The following TMEM121B variants were observed in gnomAD, a reference collection of about 807,000 sequenced individuals.
TMEM121B encodes cat eye syndrome chromosome region, candidate 6.
In TMEM121B, 14 loss-of-function variants were observed where a neutral mutation model predicts 25.1. That is an observed-to-expected ratio of 0.56 (90% CI 0.37 to 0.87). The LOEUF is 0.87. Among genes scored for constraint, TMEM121B ranks in the 40% least tolerant of loss-of-function variants. The pLI is 0.00. For synonymous variants in TMEM121B, 458 were observed against 420.9 expected, an observed-to-expected ratio of 1.09 and a Z score of -1.08; for missense variants, 850 against 854.6, an observed-to-expected ratio of 0.99 and a Z score of 0.07.
rs12170331 is a variant in TMEM121B at position 17,117,519 on chromosome 22, G to C, written c.*1872C>G. 1 of 152,230 alleles carries C rather than the reference G, an allele frequency of 6.6e-6. No homozygotes were observed. Among genetic ancestry groups the C allele is most frequent in the African/African-American group, 2.4e-5 (1 of 41,386 alleles). The allele number at this position is 152,230 out of a possible 1,614,324, so 9.4% of individuals were successfully genotyped here. A position where few individuals can be genotyped will look rare whatever the true frequency, so the allele number is the denominator to read the frequency against. On this transcript the variant is annotated 3_prime_UTR_variant, in exon 1 of 1. Transcript: ENST00000331437. ...GAGGCGGGGGCTTGGCCTGGGTGCT[G>C]AGTTAACGGCCAGTGACTTGGCACT...
chr22:17,119,220 G>T lies in TMEM121B; in HGVS notation c.*171C>A. The T allele has an allele frequency of 1.1e-6, 1 of 910,478 alleles. No homozygotes were observed. The highest frequency in any genetic ancestry group is 1.6e-6 in the Non-Finnish European group (1 of 616,908). The allele number at this position is 910,478 out of a possible 1,614,324, so 56.4% of individuals were successfully genotyped here. A position where few individuals can be genotyped will look rare whatever the true frequency, so the allele number is the denominator to read the frequency against. ...CTACCTCCCTCACCGTTAACTGCTG[G>T]TCTCCCTCCAAGCCGTCCTCACCCC... On this transcript the variant is annotated 3_prime_UTR_variant, in exon 1 of 1. Coordinates refer to ENST00000331437, the MANE Select transcript of TMEM121B (RefSeq NM_031890.4).
rs892156083 is a variant in TMEM121B at position 17,121,262 on chromosome 22, C to A, written c.-135G>T. 4 of 884,592 alleles carry A rather than the reference C, an allele frequency of 4.5e-6. No individual in the cohort carries two copies. Among genetic ancestry groups the A allele is most frequent in the Non-Finnish European group, 5.9e-6 (4 of 674,274 alleles). 54.8% of individuals were successfully genotyped at this position (884,592 alleles called of 1,614,324 possible). A position where few individuals can be genotyped will look rare whatever the true frequency, so the allele number is the denominator to read the frequency against. On this transcript the variant is annotated 5_prime_UTR_variant, in exon 1 of 1. Coordinates refer to ENST00000331437, the MANE Select transcript of TMEM121B (RefSeq NM_031890.4). ...AGTGGGGACTCGCACCTGGGCCGGG[C>A]GGCGGCGAGATCCGGACTGGAGCCA...
Position 17,121,004 on chromosome 22 carries a change from C to T in TMEM121B, c.124G>A (p.Gly42Ser). The T allele has an allele frequency of 1.4e-6, 2 of 1,468,794 alleles. No homozygotes were observed. Among genetic ancestry groups the T allele is most frequent in the Non-Finnish European group, 1.8e-6 (2 of 1,112,868 alleles). 91.0% of individuals were successfully genotyped at this position (1,468,794 alleles called of 1,614,324 possible). ...GTGCTGGTGCTGCTGTCGCCGGAGCCTCTCCGGCCGCGGAAGGAGCCCCCG... is the reference window on the plus strand; with the variant it reads ...GTGCTGGTGCTGCTGTCGCCGGAGCTTCTCCGGCCGCGGAAGGAGCCCCCG... Reference protein sequence around the residue: ...LRGGSFRGRRGSGDSSTSTST... With the variant: ...LRGGSFRGRRSSGDSSTSTST... The change falls in exon 1 of 1, where the codon GGC becomes AGC. Residue 42 changes from glycine (G) to serine (S), a missense_variant. Coordinates refer to ENST00000331437, the MANE Select transcript of TMEM121B (RefSeq NM_031890.4).
Position 17,120,446 on chromosome 22 carries a change from AC to A in TMEM121B, c.681del (p.Trp227CysfsTer105). 1 of 1,580,038 alleles carries A rather than the reference AC, an allele frequency of 6.3e-7. No homozygotes were observed. ...ACCAGGTCAGTGGCGATCCAGGAGC[AC>A]CAGTACAGGTCGGTGACGGCGATGA... is the stretch of plus-strand genomic sequence containing the variant. ...LYLIAVTDLYWCSWIATDLVV... is the reference protein window; with the variant it reads ...LYLIAVTDLYXCSWIATDLVV... On this transcript the variant is annotated frameshift_variant, in exon 1 of 1. Coordinates refer to ENST00000331437, the MANE Select transcript of TMEM121B (RefSeq NM_031890.4). LOFTEE classifies it high-confidence loss of function.
At position 17,119,304 on chromosome 22, in the gene TMEM121B, A is replaced by T. The variant is rs2061483530; in HGVS notation, c.*87T>A. Reference sequence around the variant, plus strand: ...GAAAAGGGTTACCTCTTCCAAATAGACCCTGATCAAATCTAGGTGACAGAA... The same window carrying T: ...GAAAAGGGTTACCTCTTCCAAATAGTCCCTGATCAAATCTAGGTGACAGAA... On this transcript the variant is annotated 3_prime_UTR_variant, in exon 1 of 1. Transcript: ENST00000331437. 3 of 1,516,264 alleles carry T rather than the reference A, an allele frequency of 2.0e-6. No individual in the cohort carries two copies. Among genetic ancestry groups the T allele is most frequent in the Admixed American group, 5.2e-5 (2 of 38,674 alleles). The allele number at this position is 1,516,264 out of a possible 1,614,324, so 93.9% of individuals were successfully genotyped here. A position where few individuals can be genotyped will look rare whatever the true frequency, so the allele number is the denominator to read the frequency against.
Position 17,119,753 on chromosome 22 carries a change from C to A in TMEM121B, c.1375G>T (p.Ala459Ser). 2 of 1,556,464 alleles carry A rather than the reference C, an allele frequency of 1.3e-6. No individual in the cohort carries two copies. Among genetic ancestry groups the A allele is most frequent in the Non-Finnish European group, 1.7e-6 (2 of 1,158,772 alleles). Residue 459 changes from alanine (A) to serine (S), a missense_variant, in exon 1 of 1, where the codon GCC becomes TCC. Transcript: ENST00000331437. Reference protein sequence around the residue: ...AAAAAASWGQASGPGSCSRLL... With the variant: ...AAAAAASWGQSSGPGSCSRLL... ...CGGCTGCAGCTGCCAGGCCCGGAGG[C>A]CTGGCCCCAGGATGCAGCCGCTGCG...
Position 17,121,016 on chromosome 22 carries a change from G to C in TMEM121B, c.112C>G (p.Arg38Gly). 6.8e-7 allele frequency: 1 copy of C among 1,469,662 alleles called. No homozygotes were observed. The highest frequency in any genetic ancestry group is 9.0e-7 in the Non-Finnish European group (1 of 1,113,112). 91.0% of individuals were successfully genotyped at this position (1,469,662 alleles called of 1,614,324 possible). Residue 38 changes from arginine (R) to glycine (G), a missense_variant, in exon 1 of 1, where the codon CGC becomes GGC. By Grantham distance (125) the Arg-to-Gly change is moderately radical. Coordinates refer to ENST00000331437, the MANE Select transcript of TMEM121B (RefSeq NM_031890.4). ...CTGTCGCCGGAGCCTCTCCGGCCGC[G>C]GAAGGAGCCCCCGCGGAGGAAGAGG... ...QPLFLRGGSF[R>G]GRRGSGDSST...
Position 17,121,029 on chromosome 22 carries a change from G to A in TMEM121B, c.99C>T (p.Arg33=). The stretch of plus-strand genomic sequence containing the variant: ...CTCTCCGGCCGCGGAAGGAGCCCCC[G>A]CGGAGGAAGAGGGGCTGCAGCCGGG... ...AAARLQPLFL[R]GGSFRGRRGS... The change falls in exon 1 of 1, where the codon CGC becomes CGT. Residue 33 remains arginine (R), a synonymous_variant. Transcript: ENST00000331437. 6.8e-7 allele frequency: 1 copy of A among 1,469,418 alleles called. No homozygotes were observed. Among genetic ancestry groups the A allele is most frequent in the Non-Finnish European group, 9.0e-7 (1 of 1,112,772 alleles). The allele number at this position is 1,469,418 out of a possible 1,614,324, so 91.0% of individuals were successfully genotyped here.
In TMEM121B at chr22:17,120,327, G is replaced by C; in HGVS notation, c.801C>G (p.His267Gln). The C allele has an allele frequency of 6.7e-7, 1 of 1,484,064 alleles. No individual in the cohort carries two copies. The highest frequency in any genetic ancestry group is 1.3e-5 in the South Asian group (1 of 78,150). The allele number at this position is 1,484,064 out of a possible 1,614,324, so 91.9% of individuals were successfully genotyped here. ...GATGCAGGGGCGGCGCGGCGTGGTGGTGGTGCAGGTGGTGGTTGTGCGCGC... is the reference window on the plus strand; with the variant it reads ...GATGCAGGGGCGGCGCGGCGTGGTGCTGGTGCAGGTGGTGGTTGTGCGCGC... ...ASGAHNHHLH[H>Q]HHAAPPLHLP... The change falls in exon 1 of 1, where the codon CAC (histidine) becomes CAG (glutamine). Residue 267 changes from histidine (H) to glutamine (Q), a missense_variant. By Grantham distance (24) the His-to-Gln change is conservative. Coordinates refer to ENST00000331437, the MANE Select transcript of TMEM121B (RefSeq NM_031890.4).
rs2061469711 is a variant in TMEM121B, at chr22:17,116,378, G to C, written c.*3013C>G. The C allele has an allele frequency of 6.6e-6, 1 of 152,570 alleles. No homozygotes were observed. The highest frequency in any genetic ancestry group is 1.5e-5 in the Non-Finnish European group (1 of 68,054). The allele number at this position is 152,570 out of a possible 1,614,324, so 9.5% of individuals were successfully genotyped here. A position where few individuals can be genotyped will look rare whatever the true frequency, so the allele number is the denominator to read the frequency against. On this transcript the variant is annotated 3_prime_UTR_variant, in exon 1 of 1. Transcript: ENST00000331437. ...AGAAGGAAAAAAGTGATAAATGCTA[G>C]TGAGGTGCCACTTCCCTCCTTCTTC...
Position 17,120,985 on chromosome 22 carries a change from G to A in TMEM121B, c.143C>T (p.Thr48Ile), listed in dbSNP as rs2061497138. ...TCCCCCGCGGCTGGTGCTGGTGCTGGTGCTGCTGTCGCCGGAGCCTCTCCG... is the reference window on the plus strand; with the variant it reads ...TCCCCCGCGGCTGGTGCTGGTGCTGATGCTGCTGTCGCCGGAGCCTCTCCG... ...RGRRGSGDSS[T>I]STSTSRGGGG... The change falls in exon 1 of 1, where the codon ACC becomes ATC. Residue 48 changes from threonine to isoleucine, a missense_variant. Physicochemically the swap from Thr to Ile is moderately conservative, Grantham distance 89 (BLOSUM62 -1). Coordinates refer to ENST00000331437, the MANE Select transcript of TMEM121B (RefSeq NM_031890.4). The A allele has an allele frequency of 8.9e-6, 13 of 1,464,502 alleles. No individual in the cohort carries two copies. Among genetic ancestry groups the A allele is most frequent in the Non-Finnish European group, 1.2e-5 (13 of 1,110,794 alleles). The allele number at this position is 1,464,502 out of a possible 1,614,324, so 90.7% of individuals were successfully genotyped here.
At position 17,118,073 on chromosome 22, in the gene TMEM121B, T is replaced by G. The variant is rs1448611465; in HGVS notation, c.*1318A>C. On this transcript the variant is annotated 3_prime_UTR_variant, in exon 1 of 1. Coordinates refer to ENST00000331437, the MANE Select transcript of TMEM121B (RefSeq NM_031890.4). ...GCTGTCCTCCTGCACCCTTAAAATA[T>G]GTAAAAATACTTATCCTGCCTCAAA... is the stretch of plus-strand genomic sequence containing the variant. The G allele has an allele frequency of 6.6e-6, 1 of 152,198 alleles. No individual in the cohort carries two copies. 9.4% of individuals were successfully genotyped at this position (152,198 alleles called of 1,614,324 possible). A position where few individuals can be genotyped will look rare whatever the true frequency, so the allele number is the denominator to read the frequency against.
Position 17,121,222 on chromosome 22 carries a change from C to A in TMEM121B, c.-95G>T, listed in dbSNP as rs900917144. 1 of 1,170,028 alleles carries A rather than the reference C, an allele frequency of 8.5e-7. No individual in the cohort carries two copies. Among genetic ancestry groups the A allele is most frequent in the Non-Finnish European group, 1.1e-6 (1 of 925,712 alleles). The allele number at this position is 1,170,028 out of a possible 1,614,324, so 72.5% of individuals were successfully genotyped here. A position where few individuals can be genotyped will look rare whatever the true frequency, so the allele number is the denominator to read the frequency against. On this transcript the variant is annotated 5_prime_UTR_variant, in exon 1 of 1. Coordinates refer to ENST00000331437, the MANE Select transcript of TMEM121B (RefSeq NM_031890.4). ...TAGGCGGCCGAGGGGAGCCGGGGCC[C>A]GCCGCCTCCCCAGCAGTGGGGACTC...
At position 17,118,834 on chromosome 22, in the gene TMEM121B, A is replaced by AG; in HGVS notation, c.*556dup. On this transcript the variant is annotated 3_prime_UTR_variant, in exon 1 of 1. Coordinates refer to ENST00000331437, the MANE Select transcript of TMEM121B (RefSeq NM_031890.4). ...AGGAGGGTGGTGATAAGTATGGTGT[A>AG]GGGGGCAGGGCCTCCCCAGATCTCC... The AG allele has an allele frequency of 6.5e-6, 1 of 153,220 alleles. No homozygotes were observed. Among genetic ancestry groups the AG allele is most frequent in the Non-Finnish European group, 1.5e-5 (1 of 68,322 alleles). The allele number at this position is 153,220 out of a possible 1,614,324, so 9.5% of individuals were successfully genotyped here.
In TMEM121B at chr22:17,120,961, C is replaced by A; in HGVS notation, c.167G>T (p.Gly56Val). 2 of 1,424,348 alleles carry A rather than the reference C, an allele frequency of 1.4e-6. No individual in the cohort carries two copies. Among genetic ancestry groups the A allele is most frequent in the Non-Finnish European group, 1.8e-6 (2 of 1,090,926 alleles). 88.2% of individuals were successfully genotyped at this position (1,424,348 alleles called of 1,614,324 possible). ...SSTSTSTSRG[G>V]GGGRRGGGGG... ...GCCCCCGCCGCGTCTGCCGCCGCCT[C>A]CCCCGCGGCTGGTGCTGGTGCTGGT... is the stretch of plus-strand genomic sequence containing the variant. The change falls in exon 1 of 1, where the codon GGA (glycine) becomes GTA (valine). Residue 56 changes from glycine (G) to valine (V), a missense_variant. Transcript: ENST00000331437.
At position 17,120,784 on chromosome 22, in the gene TMEM121B, G is replaced by A. The variant is rs1479971275; in HGVS notation, c.344C>T (p.Ser115Phe). Residue 115 changes from serine to phenylalanine, a missense_variant, in exon 1 of 1, where the codon TCC (serine) becomes TTC (phenylalanine). Coordinates refer to ENST00000331437, the MANE Select transcript of TMEM121B (RefSeq NM_031890.4). ...GGTGGAGGAGGAGGTGGCCGCTGAGGAGGAGAAGGCGACAGGCGCGGGGCC... is the reference window on the plus strand; with the variant it reads ...GGTGGAGGAGGAGGTGGCCGCTGAGAAGGAGAAGGCGACAGGCGCGGGGCC... ...PAGPAPVAFS[S>F]SAATSSSTST... 4 of 1,234,120 alleles carry A rather than the reference G, an allele frequency of 3.2e-6. No homozygotes were observed. The highest frequency in any genetic ancestry group is 1.0e-6 in the Non-Finnish European group (1 of 989,336). 76.4% of individuals were successfully genotyped at this position (1,234,120 alleles called of 1,614,324 possible). A position where few individuals can be genotyped will look rare whatever the true frequency, so the allele number is the denominator to read the frequency against.
In TMEM121B at chr22:17,116,785, A is replaced by C. The variant is rs1459136542; in HGVS notation, c.*2606T>G. On this transcript the variant is annotated 3_prime_UTR_variant, in exon 1 of 1. Transcript: ENST00000331437. ...GAAGTGAGTGCAAGGACTCAAGAAA[A>C]ACACAGCAGAGGAAGGGACTGACCC... The C allele has an allele frequency of 2.0e-5, 3 of 152,286 alleles. No individual in the cohort carries two copies. The highest frequency in any genetic ancestry group is 4.4e-5 in the Non-Finnish European group (3 of 68,138). 9.4% of individuals were successfully genotyped at this position (152,286 alleles called of 1,614,324 possible).
Position 17,119,035 on chromosome 22 carries a change from G to A in TMEM121B, c.*356C>T. ...CACTAACCACAGCCTAAAAGAGGCT[G>A]GCACTTCTAAGCAAGGGAGAAGGTC... On this transcript the variant is annotated 3_prime_UTR_variant, in exon 1 of 1. Transcript: ENST00000331437. The A allele has an allele frequency of 8.2e-6, 2 of 244,362 alleles. No individual in the cohort carries two copies. Among genetic ancestry groups the A allele is most frequent in the Non-Finnish European group, 1.6e-5 (2 of 126,738 alleles). The allele number at this position is 244,362 out of a possible 1,614,324, so 15.1% of individuals were successfully genotyped here. A position where few individuals can be genotyped will look rare whatever the true frequency, so the allele number is the denominator to read the frequency against.
rs1351429891 is a variant in TMEM121B, at chr22:17,117,970, C to A, written c.*1421G>T. The A allele has an allele frequency of 2.0e-5, 3 of 152,096 alleles. No individual in the cohort carries two copies. Among genetic ancestry groups the A allele is most frequent in the African/African-American group, 7.2e-5 (3 of 41,398 alleles). 9.4% of individuals were successfully genotyped at this position (152,096 alleles called of 1,614,324 possible). A position where few individuals can be genotyped will look rare whatever the true frequency, so the allele number is the denominator to read the frequency against. Reference sequence around the variant, plus strand: ...AAACGTAAGAAGGGAGAAGGGGAAACAAAAATTCTTCAAGTTTCACCCCCA... The same window carrying A: ...AAACGTAAGAAGGGAGAAGGGGAAAAAAAAATTCTTCAAGTTTCACCCCCA... On this transcript the variant is annotated 3_prime_UTR_variant, in exon 1 of 1. Coordinates refer to ENST00000331437, the MANE Select transcript of TMEM121B (RefSeq NM_031890.4).
Sources: gnomAD v4.1 joint callset for allele counts on GRCh38, gnomAD v4.1.1 for gene constraint, MANE v1.5 for transcripts, NCBI Gene and HGNC (gene_info 2026-07-23, HGNC 2026-07-21) for gene names.